LRP1B: variants seen among roughly 807,000 people sequenced by gnomAD.
The protein encoded by LRP1B is LDL receptor related protein 1B, also known as low-density lipoprotein receptor-related protein 1B.
LRP1B carries 217 observed loss-of-function variants against 556.6 expected under a neutral mutation model. The observed-to-expected ratio is 0.39, with a 90% CI of 0.35 to 0.44. LRP1B has a LOEUF of 0.44. Among genes scored for constraint, LRP1B ranks in the 20% least tolerant of loss-of-function variants. LRP1B has a pLI of 1.00. For synonymous variants in LRP1B, 2,047 were observed against 1,865.8 expected, an observed-to-expected ratio of 1.10 and a Z score of -2.50; for missense variants, 5,053 against 5,620.8, an observed-to-expected ratio of 0.90 and a Z score of 3.23.
intron 3 of LRP1B, among the ~76,000 whole-genome samples, chr2:141,445,204 T>C (rs1681140945): frequency 6.6e-6 from 1 of 152,234 alleles, no homozygotes. Context: ...GATATTCTAG[T>C]TTATTTGCAT....
chr2:141,412,070 T>A (rs1480605971), intron 3 of LRP1B, among the ~76,000 whole-genome samples: 13 of 152,092 alleles, frequency 8.5e-5, no homozygotes, highest in Non-Finnish European at 2.9e-5. Flanking sequence ...CAGCCCCAAA[T>A]CACCTACTGC....
rs1190888315 is a variant in LRP1B, at chr2:141,059,039, C to T, written c.1252G>A (p.Gly418Ser). 1 of 1,558,254 alleles carries T rather than the reference C, an allele frequency of 6.4e-7. No homozygotes were observed. Among genetic ancestry groups the T allele is most frequent in the Non-Finnish European group, 8.7e-7 (1 of 1,151,494 alleles). Residue 418 changes from glycine (G) to serine (S), a missense_variant, in exon 9 of 91, where the codon GGT becomes AGT. By Grantham distance (56) the Gly-to-Ser change is moderately conservative (BLOSUM62 0). This residue lies in a region of LRP1B where 3,619 missense variants were observed against 3,931.9 expected (regional missense o/e 0.92). Coordinates refer to ENST00000389484, the MANE Select transcript of LRP1B (RefSeq NM_018557.3). Reference protein sequence around the residue: ...IQGRQVRHLYGITVFEDYLYA... With the variant: ...IQGRQVRHLYSITVFEDYLYA... Reference sequence around the variant, plus strand: ...AAATAATCTTCAAACACAGTTATACCATAAAGATGTCTAACCTATAAAGAG... The same window carrying T: ...AAATAATCTTCAAACACAGTTATACTATAAAGATGTCTAACCTATAAAGAG...
At chr2:140,443,776 A>T (rs191971366) in intron 65 of LRP1B, among the ~76,000 whole-genome samples, 1 of 151,938 alleles carries the variant, frequency 6.6e-6, no homozygotes, top group Admixed American at 6.5e-5. Flanking sequence ...AGATGAAAAG[A>T]AACAAAATAT....
chr2:140,765,380 A>C (rs572922642), intron 35 of LRP1B, among the ~76,000 whole-genome samples: 29 of 152,276 alleles, frequency 1.9e-4, no homozygotes, highest in Admixed American at 6.5e-4. Context: ...GGGGAGGGAG[A>C]ACTGAATATT....
chr2:140,792,736 T>A (rs1182674776), intron 32 of LRP1B, among the ~76,000 whole-genome samples: 1 of 152,054 alleles, frequency 6.6e-6, no homozygotes, highest in East Asian at 1.9e-4. Flanking sequence ...ACCAGGTATT[T>A]CAAGTGGAGA....
At chr2:141,326,014 G>C (rs1304104501) in intron 3 of LRP1B, among the ~76,000 whole-genome samples, 1 of 152,042 alleles carries the variant, frequency 6.6e-6, no homozygotes, top group Non-Finnish European at 1.5e-5. Context: ...TTTAAGAAAT[G>C]CATAAAAACA....
intron 3 of LRP1B, among the ~76,000 whole-genome samples, chr2:141,472,246 T>G (rs1682501996): frequency 6.6e-6 from 1 of 152,190 alleles, no homozygotes; most frequent in South Asian, 2.1e-4. Flanking sequence ...TGTTGTTGAC[T>G]TACACCTATT....
chr2:141,123,329 C>G (rs1229621344), intron 7 of LRP1B, among the ~76,000 whole-genome samples: 8 of 151,020 alleles, frequency 5.3e-5, no homozygotes, highest in African/African-American at 1.9e-4. Flanking sequence ...GTGATTGTGT[C>G]TTTTTTAGTA....
At chr2:141,200,070 C>T (rs1008866152) in intron 6 of LRP1B, among the ~76,000 whole-genome samples, 2 of 152,294 alleles carry the variant, frequency 1.3e-5, no homozygotes, top group South Asian at 2.1e-4. Flanking sequence ...AATCCCATTA[C>T]TGGGCATATA....
intron 2 of LRP1B, among the ~76,000 whole-genome samples, chr2:141,739,704 A>G (rs1180566829): frequency 6.6e-6 from 1 of 150,802 alleles, no homozygotes; most frequent in Non-Finnish European, 1.5e-5. Flanking sequence ...GCCACCATTA[A>G]TATAAAAGCT....
chr2:141,549,586 C>T (rs1215463763), intron 2 of LRP1B, among the ~76,000 whole-genome samples: 2 of 151,916 alleles, frequency 1.3e-5, no homozygotes, highest in African/African-American at 4.8e-5. Context: ...GTTTTTATTC[C>T]CTTGTTTTCT....
chr2:140,311,568 T>C (rs1220708245), intron 83 of LRP1B, among the ~76,000 whole-genome samples: 1 of 151,712 alleles, frequency 6.6e-6, no homozygotes, highest in African/African-American at 2.4e-5. Flanking sequence ...ATGGGTAAAA[T>C]GTACACTATT....
At chr2:141,961,022 C>T (rs916087094) in intron 1 of LRP1B, among the ~76,000 whole-genome samples, 4 of 151,574 alleles carry the variant, frequency 2.6e-5, no homozygotes, top group African/African-American at 9.7e-5. Context: ...ATATGATTAA[C>T]TATAAATACT....
rs2104896175 is a variant in LRP1B at position 140,503,043 on chromosome 2, G to A, written c.8582C>T (p.Thr2861Ile). 1 of 1,613,304 alleles carries A rather than the reference G, an allele frequency of 6.2e-7. No homozygotes were observed. Among genetic ancestry groups the A allele is most frequent in the Non-Finnish European group, 8.5e-7 (1 of 1,179,392 alleles). Residue 2861 changes from threonine to isoleucine, a missense_variant, in exon 54 of 91, where the codon ACT becomes ATT. Physicochemically the swap from Thr to Ile is moderately conservative, Grantham distance 89. Coordinates refer to ENST00000389484, the MANE Select transcript of LRP1B (RefSeq NM_018557.3). ...AAAGTCTCCATCACACTGCCATTGAGTATTTAGAAGACACCGCCCATCAGC... is the reference window on the plus strand; with the variant it reads ...AAAGTCTCCATCACACTGCCATTGAATATTTAGAAGACACCGCCCATCAGC... Reference protein sequence around the residue: ...SCADGRCLLNTQWQCDGDFDC... With the variant: ...SCADGRCLLNIQWQCDGDFDC...
chr2:141,012,464 TAATAA>T (rs1356653672), intron 14 of LRP1B, among the ~76,000 whole-genome samples: 1 of 152,010 alleles, frequency 6.6e-6, no homozygotes, highest in Non-Finnish European at 1.5e-5. Context: ...TATATGAATA[TAATAA>T]AATATTACCT....
rs145882415 is a variant in LRP1B at position 140,488,393 on chromosome 2, T to C, written c.9121-654A>G. Among the ~76,000 whole-genome samples the C allele has an allele frequency of 3.9e-5, 6 of 152,150 alleles. No homozygotes were observed. In the East Asian group the frequency reaches 9.7e-4, roughly 24 times the overall value. ...ATCAACATGTTTTTATTCCACATGG[T>C]GGAAATGTGAGGAAATGCCTCCCTT... On this transcript the variant is annotated intron_variant, in intron 57 of 90. Transcript: ENST00000389484.
At chr2:140,602,458 G>T (rs1682709419) in intron 41 of LRP1B, among the ~76,000 whole-genome samples, 1 of 151,880 alleles carries the variant, frequency 6.6e-6, no homozygotes, top group Non-Finnish European at 1.5e-5. Context: ...CATGTTATTT[G>T]CTTTACTCAG....
At chr2:141,845,169 C>T (rs546412912) in intron 1 of LRP1B, among the ~76,000 whole-genome samples, 18 of 151,718 alleles carry the variant, frequency 1.2e-4, no homozygotes, top group African/African-American at 4.3e-4. Flanking sequence ...AATCTTTCAG[C>T]TTCAAGGTTA....
chr2:141,889,210 G>T (rs1699210634), intron 1 of LRP1B, among the ~76,000 whole-genome samples: 1 of 151,976 alleles, frequency 6.6e-6, no homozygotes, highest in African/African-American at 2.4e-5. Flanking sequence ...TAAAAAAACT[G>T]TAGCATAAAT....
Sources: gnomAD v4.1 joint callset for allele counts (sites outside exome capture counted in the v4.1 genomes callset) on GRCh38, gnomAD v4.1.1 for gene constraint, gnomAD v4.1.1 regional missense constraint, MANE v1.5 for transcripts, NCBI Gene and HGNC (gene_info 2026-07-23, HGNC 2026-07-21) for gene names.